SLC27A2: variants seen among roughly 807,000 people sequenced by gnomAD.
The protein encoded by SLC27A2 is solute carrier family 27 member 2, also known as long-chain fatty acid transport protein 2.
SLC27A2 carries 54 observed loss-of-function variants against 60.0 expected under a neutral mutation model. The ratio of observed to expected loss-of-function variants is 0.90; its 90% confidence interval spans 0.72 to 1.13. The LOEUF is 1.13. Among genes scored for constraint, SLC27A2 ranks in the 50% most tolerant of loss-of-function variants. The probability of loss-of-function intolerance (pLI) is 0.00; values close to 1 mark genes in which losing one functional copy is unlikely to be tolerated. For synonymous variants in SLC27A2, 297 were observed against 297.6 expected, an observed-to-expected ratio of 1.00 and a Z score of 0.02; for missense variants, 739 against 777.6, an observed-to-expected ratio of 0.95 and a Z score of 0.59.
intron 1 of SLC27A2, among the ~76,000 whole-genome samples, chr15:50,183,660 G>C (rs534606797): frequency 6.6e-6 from 1 of 152,276 alleles, no homozygotes. Flanking sequence ...CAGAGAACCT[G>C]TTACTCACAG....
At chr15:50,200,325 G>A (rs2140901180) in intron 2 of SLC27A2, among the ~76,000 whole-genome samples, 1 of 152,202 alleles carries the variant, frequency 6.6e-6, no homozygotes, top group South Asian at 2.1e-4. Context: ...ATACCTGGGG[G>A]GCTGAGACAG....
At chr15:50,231,917 A>C (rs2045319195) in intron 8 of SLC27A2, among the ~76,000 whole-genome samples, 1 of 152,236 alleles carries the variant, frequency 6.6e-6, no homozygotes, top group Non-Finnish European at 1.5e-5. Context: ...CTCCCAGGAT[A>C]GGAAATGCCC....
chr15:50,220,968 C>T lies in SLC27A2; in HGVS notation c.973-1997C>T, dbSNP rs564442181. On this transcript the variant is annotated intron_variant, in intron 4 of 9. Coordinates refer to ENST00000267842, the MANE Select transcript of SLC27A2 (RefSeq NM_003645.4). The stretch of plus-strand genomic sequence containing the variant: ...CTGTAATTCCAGCATTTTAGGGGGC[C>T]GAGGCAGGAGGATAGCTTGAGGCCA... 2.6e-5 allele frequency among the ~76,000 whole-genome samples: 4 copies of T among 151,956 alleles called. No homozygotes were observed. In the East Asian group the frequency reaches 7.7e-4, roughly 29 times the overall value.
At chr15:50,227,376 A>C (rs2045286147) in intron 7 of SLC27A2, among the ~76,000 whole-genome samples, 198 bp downstream of exon 7, 1 of 152,240 alleles carries the variant, frequency 6.6e-6, no homozygotes, top group East Asian at 1.9e-4. Context: ...AACTTGGCTG[A>C]GCAACACCAG....
At chr15:50,199,594 T>G (rs1040885997) in intron 2 of SLC27A2, among the ~76,000 whole-genome samples, 4 of 152,144 alleles carry the variant, frequency 2.6e-5, no homozygotes, top group Non-Finnish European at 5.9e-5. Context: ...GGAAGACAAT[T>G]AGAAGGGTGT....
Position 50,203,020 on chromosome 15 carries a change from A to AAAAT in SLC27A2, c.847+376_847+377insAATA, listed in dbSNP as rs369562703. Among the ~76,000 whole-genome samples, 1,008 of 147,772 alleles carry AAAAT rather than the reference A, an allele frequency of 6.8e-3. 14 individuals carry two copies. The highest frequency in any genetic ancestry group is 0.046 in the East Asian group (232 of 5,048). On this transcript the variant is annotated intron_variant, in intron 3 of 9. Coordinates refer to ENST00000267842, the MANE Select transcript of SLC27A2 (RefSeq NM_003645.4). ...CATAGCAAACCTCATCTCTAAAAAA[A>AAAAT]ATATATATATATATATATATAGCCA...
chr15:50,204,323 C>G (rs1595685024), intron 3 of SLC27A2, among the ~76,000 whole-genome samples: 3 of 152,086 alleles, frequency 2.0e-5, no homozygotes, highest in African/African-American at 7.2e-5. Flanking sequence ...AAAAATTAGC[C>G]AGGCATGATG....
In SLC27A2 at chr15:50,182,255, C is replaced by T; in HGVS notation, c.-173C>T. 4 of 1,065,566 alleles carry T rather than the reference C, an allele frequency of 3.8e-6. No homozygotes were observed. The highest frequency in any genetic ancestry group is 4.8e-6 in the Non-Finnish European group (4 of 825,984). The allele number at this position is 1,065,566 out of a possible 1,614,324, so 66.0% of individuals were successfully genotyped here. A position where few individuals can be genotyped will look rare whatever the true frequency, so the allele number is the denominator to read the frequency against. On this transcript the variant is annotated 5_prime_UTR_variant, in exon 1 of 10. Transcript: ENST00000267842. ...ACTACACCTGCTCCGGAGCCCGCGGCGGTACCTGCAGCGGAGGAGCTCTGT... is the reference window on the plus strand; with the variant it reads ...ACTACACCTGCTCCGGAGCCCGCGGTGGTACCTGCAGCGGAGGAGCTCTGT...
intron 4 of SLC27A2, among the ~76,000 whole-genome samples, chr15:50,219,883 C>G (rs1475872973): frequency 6.6e-6 from 1 of 152,018 alleles, no homozygotes; most frequent in Non-Finnish European, 1.5e-5. Flanking sequence ...AGGTTTTTTT[C>G]TTGTTTAAAA....
At chr15:50,196,053 CAAAA>C (rs1163958587) in intron 1 of SLC27A2, among the ~76,000 whole-genome samples, 28 of 1,802 alleles carry the variant, frequency 0.016, no homozygotes, top group South Asian at 0.056. Context: ...GACTCTGTCT[CAAAA>C]AAAAAAAAAA....
At position 50,182,833 on chromosome 15, in the gene SLC27A2, T is replaced by A. The variant is rs1181032079; in HGVS notation, c.406T>A (p.Tyr136Asn). The A allele has an allele frequency of 6.2e-7, 1 of 1,613,440 alleles. No individual in the cohort carries two copies. Among genetic ancestry groups the A allele is most frequent in the African/African-American group, 1.3e-5 (1 of 75,040 alleles). The change falls in exon 1 of 10, where the codon TAC becomes AAC. Residue 136 changes from tyrosine to asparagine, a missense_variant. Physicochemically the swap from Tyr to Asn is moderately radical, Grantham distance 143 (BLOSUM62 -2). Coordinates refer to ENST00000267842, the MANE Select transcript of SLC27A2 (RefSeq NM_003645.4). ...GGGCTGTGCCATGGCGTGCCTCAAT[T>A]ACAACATCCGCGCGAAGTCCCTGCT... ...KLGCAMACLN[Y>N]NIRAKSLLHC...
In SLC27A2 at chr15:50,192,787, T is replaced by TAAAAAA. The variant is rs35220625; in HGVS notation, c.479-4704_479-4699dup. ...AGGCTAGCTGTAAGTACATTTTTCT[T>TAAAAAA]AAAAAAAAAAAAAAGAAGAAGAAGT... On this transcript the variant is annotated intron_variant, in intron 1 of 9. Transcript: ENST00000267842. Among the ~76,000 whole-genome samples, 57 of 136,488 alleles carry TAAAAAA rather than the reference T, an allele frequency of 4.2e-4. 1 individual carries two copies. The highest frequency in any genetic ancestry group is 3.8e-3 in the Middle Eastern group (1 of 262). The allele number at this position is 136,488 out of a possible 152,430, so 89.5% of individuals were successfully genotyped here.
At chr15:50,205,795 C>G (rs936281228) in intron 4 of SLC27A2, among the ~76,000 whole-genome samples, 1 of 152,196 alleles carries the variant, frequency 6.6e-6, no homozygotes, top group African/African-American at 2.4e-5. Context: ...GTTCATGTCT[C>G]CCATCCTTCC....
At chr15:50,199,440 T>C (rs909094734) in intron 2 of SLC27A2, among the ~76,000 whole-genome samples, 1 of 140,426 alleles carries the variant, frequency 7.1e-6, no homozygotes, top group Non-Finnish European at 1.5e-5. Flanking sequence ...ATTGCGCCAC[T>C]GCACTCCAGC....
At chr15:50,214,821 A>G (rs775083417) in intron 4 of SLC27A2, among the ~76,000 whole-genome samples, 1 of 152,204 alleles carries the variant, frequency 6.6e-6, no homozygotes, top group Non-Finnish European at 1.5e-5. Context: ...ACCTTAAAGT[A>G]ATAAAACCCA....
At chr15:50,207,524 T>C (rs1378354827) in intron 4 of SLC27A2, among the ~76,000 whole-genome samples, 2 of 151,928 alleles carry the variant, frequency 1.3e-5, no homozygotes, top group Admixed American at 6.5e-5. Flanking sequence ...GCACGGTGGC[T>C]CATGCCTCTA....
At chr15:50,224,432 T>G (rs2045265400) in intron 5 of SLC27A2, among the ~76,000 whole-genome samples, 1 of 151,852 alleles carries the variant, frequency 6.6e-6, no homozygotes, top group African/African-American at 2.4e-5. Context: ...AGAGCGAAAC[T>G]CCATCTCAAA....
chr15:50,203,495 C>T (rs1309959406), intron 3 of SLC27A2, among the ~76,000 whole-genome samples: 5 of 152,096 alleles, frequency 3.3e-5, no homozygotes, highest in East Asian at 1.9e-4. Flanking sequence ...TATACATTAC[C>T]GCAAAGTTCA....
chr15:50,211,153 T>C (rs77432401), intron 4 of SLC27A2, among the ~76,000 whole-genome samples: 1 of 152,156 alleles, frequency 6.6e-6, no homozygotes, highest in African/African-American at 2.4e-5. Context: ...TTCTGGAAAG[T>C]ACCACCTCCT....
Sources: allele counts gnomAD v4.1 joint callset (sites outside exome capture counted in the v4.1 genomes callset), GRCh38; gene constraint gnomAD v4.1.1; transcripts MANE v1.5; gene names NCBI Gene and HGNC (gene_info 2026-07-23, HGNC 2026-07-21).